Variants in CADM2 observed in about 807,000 individuals in gnomAD.
CADM2 encodes cell adhesion molecule 2.
A neutral mutation model predicts 49.8 loss-of-function variants in CADM2; 12 were observed. The observed-to-expected ratio is 0.24, with a 90% CI of 0.15 to 0.39. The LOEUF (loss-of-function observed/expected upper bound fraction) is 0.39, where lower values mean the gene tolerates loss of function less well. CADM2 is among the 10% of genes least tolerant of loss of function. The probability of loss-of-function intolerance (pLI) is 1.00; values close to 1 mark genes in which losing one functional copy is unlikely to be tolerated. For synonymous variants in CADM2, 214 were observed against 175.4 expected (o/e 1.22, Z -1.74); for missense variants, 378 against 492.3 (o/e 0.77, Z 2.20).
intron 7 of CADM2, among the ~76,000 whole-genome samples, chr3:85,936,154 T>A (rs1162815192): frequency 6.6e-6 from 1 of 151,788 alleles, no homozygotes; most frequent in Non-Finnish European, 1.5e-5. Flanking sequence ...ATCATCAGAG[T>A]ATAAAAGCAG....
chr3:85,504,270 C>G (rs183459720), intron 1 of CADM2, among the ~76,000 whole-genome samples: 1 of 151,154 alleles, frequency 6.6e-6, no homozygotes, highest in African/African-American at 2.4e-5. Flanking sequence ...GTTCCTTCCT[C>G]CCGGTGGGCT....
At chr3:85,447,664 C>A (rs2037532805) in intron 1 of CADM2, among the ~76,000 whole-genome samples, 1 of 152,184 alleles carries the variant, frequency 6.6e-6, no homozygotes, top group Admixed American at 6.5e-5. Context: ...TTATTACCTA[C>A]GTGCCCCTGT....
At chr3:85,259,707 G>A (rs566819176) in intron 1 of CADM2, among the ~76,000 whole-genome samples, 1 of 152,198 alleles carries the variant, frequency 6.6e-6, no homozygotes, top group African/African-American at 2.4e-5. Flanking sequence ...AACCAAAGGA[G>A]CACTCTGGCC....
intron 8 of CADM2, among the ~76,000 whole-genome samples, chr3:86,047,070 A>G (rs543135518): frequency 3.9e-4 from 60 of 152,216 alleles, no homozygotes; most frequent in African/African-American, 1.2e-3. Context: ...CATCAAGAGC[A>G]AGTTCTAGGC....
intron 2 of CADM2, among the ~76,000 whole-genome samples, chr3:85,767,461 TAAG>T (rs2069715924): frequency 6.6e-6 from 1 of 152,210 alleles, no homozygotes; most frequent in Non-Finnish European, 1.5e-5. Flanking sequence ...ATTTTATTGA[TAAG>T]AAGAAATTAA....
rs533526310 is a variant in CADM2 at position 85,771,627 on chromosome 3, G to A, written c.89-30420G>A. 3.0e-3 allele frequency among the ~76,000 whole-genome samples: 450 copies of A among 152,134 alleles called. 1 individual carries two copies. Among genetic ancestry groups the A allele is most frequent in the South Asian group, 7.3e-3 (35 of 4,826 alleles). Reference sequence around the variant, plus strand: ...AAAATGTATCCATAGAAGCCGCTAGGTAGGAATGAACAAAGGAATTTCTAA... The same window carrying A: ...AAAATGTATCCATAGAAGCCGCTAGATAGGAATGAACAAAGGAATTTCTAA... On this transcript the variant is annotated intron_variant, in intron 2 of 9. Transcript: ENST00000383699.
At chr3:85,944,842 A>C (rs1178049500) in intron 7 of CADM2, among the ~76,000 whole-genome samples, 2 of 152,118 alleles carry the variant, frequency 1.3e-5, no homozygotes, top group African/African-American at 4.8e-5. Flanking sequence ...TCTAAAATTG[A>C]CACCCTAATA....
intron 1 of CADM2, among the ~76,000 whole-genome samples, chr3:85,192,587 T>A (rs974915647): frequency 2.4e-5 from 2 of 83,170 alleles, no homozygotes; most frequent in African/African-American, 9.8e-5. Context: ...TACACACACA[T>A]ATATATGAAT....
intron 2 of CADM2, among the ~76,000 whole-genome samples, chr3:85,786,812 G>A (rs2071017568): frequency 6.6e-6 from 1 of 151,902 alleles, no homozygotes; most frequent in Admixed American, 6.6e-5. Context: ...TATATCAATG[G>A]TTACCTTGGC....
rs12639185 is a variant in CADM2 at position 85,464,258 on chromosome 3, A to G, written c.62-262264A>G. ...TTATATATTTATTTTTAAAACTGAT[A>G]TTTCCTTTTCTCTTGTGATCCAAAT... On this transcript the variant is annotated intron_variant, in intron 1 of 9. Coordinates refer to ENST00000383699, the MANE Select transcript of CADM2 (RefSeq NM_001167675.2). Among the ~76,000 whole-genome samples the G allele has an allele frequency of 3.2e-4, 49 of 152,250 alleles. No individual in the cohort carries two copies. The East Asian group carries it at 5.8e-3, about 18-fold the overall frequency.
At chr3:85,927,931 G>C (rs1022940505) in intron 6 of CADM2, among the ~76,000 whole-genome samples, 7 of 151,902 alleles carry the variant, frequency 4.6e-5, no homozygotes, top group Non-Finnish European at 1.0e-4. Context: ...AGCCAATGAC[G>C]CTAAATACTT....
At chr3:84,961,471 C>G (rs555766173) in intron 1 of CADM2, among the ~76,000 whole-genome samples, 1 of 152,252 alleles carries the variant, frequency 6.6e-6, no homozygotes, top group South Asian at 2.1e-4. Flanking sequence ...CCGCCGAGTC[C>G]CATTTCTCAC....
chr3:85,617,966 C>G lies in CADM2; in HGVS notation c.62-108556C>G, dbSNP rs1436076934. On this transcript the variant is annotated intron_variant, in intron 1 of 9. Transcript: ENST00000383699. The stretch of plus-strand genomic sequence containing the variant: ...AATAATAGAAGAAACATTTTCTCTG[C>G]TTTCAACTCTGCTCATCTCCATTGT... Among the ~76,000 whole-genome samples the G allele has an allele frequency of 2.0e-5, 3 of 152,088 alleles. No individual in the cohort carries two copies. In the East Asian group the frequency reaches 5.8e-4, roughly 29 times the overall value.
chr3:85,327,910 C>T (rs1485637957), intron 1 of CADM2, among the ~76,000 whole-genome samples: 1 of 152,036 alleles, frequency 6.6e-6, no homozygotes, highest in Non-Finnish European at 1.5e-5. Flanking sequence ...CCTTCTGATC[C>T]CTCATACTAT....
chr3:85,872,173 T>C (rs2108356416), intron 3 of CADM2, among the ~76,000 whole-genome samples: 1 of 152,314 alleles, frequency 6.6e-6, no homozygotes, highest in East Asian at 1.9e-4. Flanking sequence ...CAAAGATTCA[T>C]ATGACAGTGG....
At chr3:85,189,977 A>C (rs934764233) in intron 1 of CADM2, among the ~76,000 whole-genome samples, 1 of 60,770 alleles carries the variant, frequency 1.6e-5, no homozygotes, top group African/African-American at 6.3e-5. Flanking sequence ...TTTTTTTTTT[A>C]GTGTCTGCAT....
At chr3:86,037,198 A>G (rs1735273039) in intron 8 of CADM2, among the ~76,000 whole-genome samples, 1 of 151,896 alleles carries the variant, frequency 6.6e-6, no homozygotes, top group Non-Finnish European at 1.5e-5. Context: ...ATTTTTTTCT[A>G]CCAAGTGTTA....
intron 1 of CADM2, among the ~76,000 whole-genome samples, chr3:85,427,352 C>G (rs1224716589): frequency 6.6e-6 from 1 of 151,710 alleles, no homozygotes; most frequent in East Asian, 1.9e-4. Flanking sequence ...TTAAAATTGT[C>G]TTATGAGAAG....
chr3:85,131,951 T>C (rs1301892426), intron 1 of CADM2, among the ~76,000 whole-genome samples: 1 of 151,158 alleles, frequency 6.6e-6, no homozygotes, highest in Non-Finnish European at 1.5e-5. Flanking sequence ...ACACTGCATA[T>C]AGATCAATAG....
Sources: gnomAD v4.1 joint callset for allele counts (sites outside exome capture counted in the v4.1 genomes callset) on GRCh38, gnomAD v4.1.1 for gene constraint, MANE v1.5 for transcripts, NCBI Gene and HGNC (gene_info 2026-07-23, HGNC 2026-07-21) for gene names.